KHDRBS2: variants seen among roughly 807,000 people sequenced by gnomAD.
KHDRBS2 encodes the protein KH domain-containing, RNA-binding, signal transduction-associated protein 2.
Under a neutral mutation model 44.3 loss-of-function variants are expected in KHDRBS2, and 26 were observed. The ratio of observed to expected loss-of-function variants is 0.59; its 90% CI spans 0.43 to 0.81. The LOEUF (loss-of-function observed/expected upper bound fraction) is 0.81. Among genes scored for constraint, KHDRBS2 ranks in the 40% least tolerant of loss-of-function variants. The pLI is 0.00. For synonymous variants in KHDRBS2, 194 were observed against 151.1 expected (o/e 1.28, Z -2.08); for missense variants, 476 against 433.1 (o/e 1.10, Z -0.88).
chr6:61,891,431 G>C (rs1801818826), intron 6 of KHDRBS2, among the ~76,000 whole-genome samples: 1 of 152,102 alleles, frequency 6.6e-6, no homozygotes, highest in South Asian at 2.1e-4. Flanking sequence ...TTGGTATCAG[G>C]ATGATGCTGG....
chr6:61,599,649 A>G, the KHDRBS2 span, among the ~76,000 whole-genome samples: 1 of 152,202 alleles, frequency 6.6e-6, no homozygotes, highest in Non-Finnish European at 1.5e-5. Context: ...CCTAGGATTG[A>G]ACTTTCCCAG....
At chr6:62,254,323 T>C (rs1386647491) in intron 1 of KHDRBS2, among the ~76,000 whole-genome samples, 1 of 152,082 alleles carries the variant, frequency 6.6e-6, no homozygotes, top group Non-Finnish European at 1.5e-5. Context: ...ATCACTGATA[T>C]ATTCCAAGTA....
rs1370223926 is a variant in KHDRBS2 at position 62,275,424 on chromosome 6, T to C, written c.91+10434A>G. Among the ~76,000 whole-genome samples the C allele has an allele frequency of 1.1e-4, 16 of 152,300 alleles. No homozygotes were observed. In the East Asian group the frequency reaches 3.1e-3, roughly 29 times the overall value. Reference sequence around the variant, plus strand: ...TAAAACTGTCTGGAGACATGGATGATTCTTAATCCAATTTTACACTTACTA... The same window carrying C: ...TAAAACTGTCTGGAGACATGGATGACTCTTAATCCAATTTTACACTTACTA... On this transcript the variant is annotated intron_variant, in intron 1 of 8. Coordinates refer to ENST00000281156, the MANE Select transcript of KHDRBS2 (RefSeq NM_152688.4).
the KHDRBS2 span, among the ~76,000 whole-genome samples, chr6:61,567,891 C>T: frequency 6.6e-6 from 1 of 151,850 alleles, no homozygotes; most frequent in Non-Finnish European, 1.5e-5. Context: ...GCTGTGATCG[C>T]CAGGGATGAT....
rs1459558203 is a variant in KHDRBS2 at position 62,261,929 on chromosome 6, C to G, written c.91+23929G>C. Among the ~76,000 whole-genome samples, 5 of 151,640 alleles carry G rather than the reference C, an allele frequency of 3.3e-5. No homozygotes were observed. In the East Asian group the frequency reaches 7.8e-4, roughly 24 times the overall value. On this transcript the variant is annotated intron_variant, in intron 1 of 8. Transcript: ENST00000281156. ...GTTGTGGAAATACATGAGCGTATAC[C>G]TGGTAGTTTTCATTTGTGGCATTAG... is the stretch of plus-strand genomic sequence containing the variant.
At chr6:61,576,313 T>C in the KHDRBS2 span, among the ~76,000 whole-genome samples, 13 of 151,064 alleles carry the variant, frequency 8.6e-5, no homozygotes, top group East Asian at 2.5e-3. Context: ...CTTGATTAAG[T>C]GTATGCCTAG....
chr6:61,780,309 G>A (rs933463949), intron 6 of KHDRBS2, among the ~76,000 whole-genome samples: 4 of 152,106 alleles, frequency 2.6e-5, no homozygotes, highest in African/African-American at 7.2e-5. Flanking sequence ...AGACCAGCCT[G>A]GGCAACATGG....
intron 2 of KHDRBS2, among the ~76,000 whole-genome samples, chr6:62,085,703 C>A (rs1798252971): frequency 6.6e-6 from 1 of 152,022 alleles, no homozygotes; most frequent in South Asian, 2.1e-4. Flanking sequence ...AGGCAAAGGT[C>A]TTTAGCAATG....
chr6:61,604,105 T>C, the KHDRBS2 span, among the ~76,000 whole-genome samples: 552 of 152,368 alleles, frequency 3.6e-3, 3 homozygotes, highest in Non-Finnish European at 6.2e-3. Context: ...TATGCATCAA[T>C]ATTTATATGA....
At chr6:61,837,287 C>T (rs1792845176) in intron 6 of KHDRBS2, among the ~76,000 whole-genome samples, 1 of 151,998 alleles carries the variant, frequency 6.6e-6, no homozygotes, top group South Asian at 2.1e-4. Flanking sequence ...TCAGTAGCTA[C>T]TGAAATAATC....
chr6:62,059,213 T>G (rs1232469641), intron 2 of KHDRBS2, among the ~76,000 whole-genome samples: 2 of 118,396 alleles, frequency 1.7e-5, no homozygotes, highest in African/African-American at 7.2e-5. Flanking sequence ...TTTTTTTTTT[T>G]TTTTTTTTTT....
In KHDRBS2 at chr6:62,098,422, G is replaced by GTTTGT. The variant is rs112463833; in HGVS notation, c.220-50433_220-50429dup. On this transcript the variant is annotated intron_variant, in intron 2 of 8. Transcript: ENST00000281156. ...CTGGCTCCAGCATTTTCTGTTGACA[G>GTTTGT]TTTGTTTTGTTTTGTTTTTCCTTGA... 5.3e-5 allele frequency among the ~76,000 whole-genome samples: 8 copies of GTTTGT among 152,088 alleles called. 1 individual carries two copies. Among genetic ancestry groups the GTTTGT allele is most frequent in the Admixed American group, 3.3e-4 (5 of 15,272 alleles).
At chr6:61,848,497 A>ATGTG (rs1461464017) in intron 6 of KHDRBS2, among the ~76,000 whole-genome samples, 8 of 59,254 alleles carry the variant, frequency 1.4e-4, no homozygotes, top group African/African-American at 5.7e-4. Flanking sequence ...ATATGTATAT[A>ATGTG]TATATATATA....
At chr6:61,662,914 G>A in the KHDRBS2 span, among the ~76,000 whole-genome samples, 37 of 151,958 alleles carry the variant, frequency 2.4e-4, no homozygotes, top group South Asian at 1.9e-3. Context: ...ATACCCAAAG[G>A]ATTATAAATC....
At chr6:61,732,643 T>A (rs1385760984) in intron 7 of KHDRBS2, 39 bp downstream of exon 7, 2 of 1,162,842 alleles carry the variant, frequency 1.7e-6, no homozygotes, top group Non-Finnish European at 2.6e-6. Context: ...TGATTAGAGA[T>A]AATCCTGAGA....
chr6:62,206,219 A>C (rs1250330404), intron 1 of KHDRBS2, among the ~76,000 whole-genome samples: 1 of 152,144 alleles, frequency 6.6e-6, no homozygotes, highest in African/African-American at 2.4e-5. Flanking sequence ...CATTAACATG[A>C]TAAGTAGAGT....
chr6:62,168,695 G>T (rs209011), intron 2 of KHDRBS2, among the ~76,000 whole-genome samples: 121,032 of 151,974 alleles, frequency 0.8, 48,823 homozygotes, highest in African/African-American at 0.92. Context: ...TAAGCTATGT[G>T]TTTATTCTTT....
intron 4 of KHDRBS2, among the ~76,000 whole-genome samples, chr6:61,913,222 T>C (rs1209130214): frequency 6.6e-6 from 1 of 152,124 alleles, no homozygotes; most frequent in African/African-American, 2.4e-5. Flanking sequence ...ATAAGAGAAA[T>C]GATAGGATCT....
chr6:61,558,051 A>T, the KHDRBS2 span, among the ~76,000 whole-genome samples: 1 of 151,864 alleles, frequency 6.6e-6, no homozygotes, highest in Non-Finnish European at 1.5e-5. Context: ...AGAGTTATCA[A>T]ATTTTTAATC....
Sources: allele counts gnomAD v4.1 joint callset (sites outside exome capture counted in the v4.1 genomes callset), GRCh38; gene constraint gnomAD v4.1.1; transcripts MANE v1.5; gene names NCBI Gene and HGNC (gene_info 2026-07-23, HGNC 2026-07-21).